PC: variants seen among roughly 807,000 people sequenced by gnomAD.
PC encodes pyruvate carboxylase.
A neutral mutation model predicts 107.8 loss-of-function variants in PC; 46 were observed. The ratio of observed to expected loss-of-function variants is 0.43; its 90% CI spans 0.34 to 0.55. The LOEUF is 0.55. Among genes scored for constraint, PC ranks in the 20% least tolerant of loss-of-function variants. PC has a pLI of 0.04. For synonymous variants in PC, 662 were observed against 684.7 expected (o/e 0.97, Z 0.52); for missense variants, 1,241 against 1,643.1 (o/e 0.76, Z 4.23).
chr11:66,860,146 G>A, intron 12 of PC: 1 of 1,549,384 alleles, frequency 6.5e-7, no homozygotes. Flanking sequence ...GGGGCAGGGT[G>A]CCGGGGGGTA....
intron 3 of PC, among the ~76,000 whole-genome samples, chr11:66,910,775 C>T (rs1433199031): frequency 2.6e-5 from 4 of 152,196 alleles, no homozygotes; most frequent in Non-Finnish European, 2.9e-5. Context: ...AGAGCAAAGG[C>T]TCTGGATTGA....
intron 3 of PC, among the ~76,000 whole-genome samples, chr11:66,899,587 G>A (rs536993417): frequency 6.6e-6 from 1 of 151,630 alleles, no homozygotes; most frequent in African/African-American, 2.4e-5. Flanking sequence ...GGCTGGTCTT[G>A]AACTCCCAAC....
intron 12 of PC, among the ~76,000 whole-genome samples, chr11:66,854,441 G>C (rs978293897): frequency 1.3e-5 from 2 of 152,168 alleles, no homozygotes; most frequent in Non-Finnish European, 2.9e-5. Context: ...TGGGGGCAGG[G>C]TGCTGCCTGA....
At chr11:66,873,690 C>T (rs1946872503) in intron 3 of PC, among the ~76,000 whole-genome samples, 2 of 149,184 alleles carry the variant, frequency 1.3e-5, no homozygotes, top group Non-Finnish European at 3.0e-5. Flanking sequence ...ACTAAAAAGA[C>T]AGCTGCCCAG....
At chr11:66,859,656 C>T (rs1227058898) in intron 12 of PC, 2 of 1,613,068 alleles carry the variant, frequency 1.2e-6, no homozygotes, top group Non-Finnish European at 1.7e-6. Flanking sequence ...AGCCTCCAGC[C>T]ACCACTTCCT....
chr11:66,938,362 T>C (rs569095762), intron 3 of PC, among the ~76,000 whole-genome samples: 2 of 152,312 alleles, frequency 1.3e-5, no homozygotes, highest in East Asian at 3.9e-4. Flanking sequence ...ACAGCATTTA[T>C]GAAGTCCTCA....
chr11:66,941,713 C>T (rs911041528), intron 3 of PC, among the ~76,000 whole-genome samples: 2 of 152,062 alleles, frequency 1.3e-5, no homozygotes, highest in African/African-American at 2.4e-5. Flanking sequence ...AGGATGGTAT[C>T]GATCTCCTGA....
At chr11:66,887,323 A>G (rs1947407370) in intron 3 of PC, among the ~76,000 whole-genome samples, 1 of 152,210 alleles carries the variant, frequency 6.6e-6, no homozygotes, top group South Asian at 2.1e-4. Context: ...AATTCACCAA[A>G]ACAAATTGGG....
chr11:66,935,389 TAC>T (rs2136120017), intron 3 of PC, among the ~76,000 whole-genome samples: 1 of 152,258 alleles, frequency 6.6e-6, no homozygotes, highest in African/African-American at 2.4e-5. Context: ...AAGAAAACCT[TAC>T]AGTCTTACTG....
At chr11:66,859,136 T>C (rs1454906106) in intron 12 of PC, 1 of 1,471,096 alleles carries the variant, frequency 6.8e-7, no homozygotes, top group East Asian at 2.5e-5. Flanking sequence ...CCCGGCGCCC[T>C]TCCTCCGCCC....
chr11:66,933,486 A>G (rs1948914799), intron 3 of PC, among the ~76,000 whole-genome samples: 1 of 151,910 alleles, frequency 6.6e-6, no homozygotes, highest in South Asian at 2.1e-4. Context: ...CCAATTCCCT[A>G]TTTCTTTTCT....
At chr11:66,865,542 A>C (rs1161528497) in intron 11 of PC, among the ~76,000 whole-genome samples, 1 of 152,120 alleles carries the variant, frequency 6.6e-6, no homozygotes, top group Non-Finnish European at 1.5e-5. Context: ...CGGTGCTGAG[A>C]GGAAGAAAGG....
chr11:66,857,440 A>G lies in PC; in HGVS notation c.1369-4057T>C. On this transcript the variant is annotated intron_variant, in intron 12 of 22. Coordinates refer to ENST00000393960, the MANE Select transcript of PC (RefSeq NM_001040716.2). The surrounding 1 kb of genome is among the most constrained non-coding windows in gnomAD (Gnocchi z 7.1). ...CTGGCGATTCCTGGGGACGCCTGGG[A>G]AAGGAAGTTCCGGGACCCTCCCTGC... is the stretch of plus-strand genomic sequence containing the variant. 2.9e-6 allele frequency: 1 copy of G among 340,124 alleles called. No homozygotes were observed. Among genetic ancestry groups the G allele is most frequent in the Non-Finnish European group, 5.3e-6 (1 of 188,482 alleles). The allele number at this position is 340,124 out of a possible 1,614,324, so 21.1% of individuals were successfully genotyped here. A position where few individuals can be genotyped will look rare whatever the true frequency, so the allele number is the denominator to read the frequency against.
chr11:66,853,173 G>A (rs1945608196), intron 13 of PC, 66 bp downstream of exon 13: 6 of 1,578,104 alleles, frequency 3.8e-6, no homozygotes, highest in East Asian at 4.5e-5. Context: ...GTGGCAAGGA[G>A]GTAGGAGCAA....
chr11:66,870,531 C>A lies in PC; in HGVS notation c.752-78G>T. ...TAAATGCCCCATCACCCCCACATAA[C>A]CACTGTCGCCAGTCAGTGCCGGCTG... is the stretch of plus-strand genomic sequence containing the variant. On this transcript the variant is annotated intron_variant, in intron 8 of 22. Transcript: ENST00000393960. This position sits in a 1 kb window ranked among gnomAD's most constrained non-coding sequence, Gnocchi z 6.1. The A allele has an allele frequency of 2.6e-6, 4 of 1,514,814 alleles. No homozygotes were observed. Among genetic ancestry groups the A allele is most frequent in the Non-Finnish European group, 3.6e-6 (4 of 1,105,768 alleles). 93.8% of individuals were successfully genotyped at this position (1,514,814 alleles called of 1,614,324 possible). A position where few individuals can be genotyped will look rare whatever the true frequency, so the allele number is the denominator to read the frequency against.
intron 3 of PC, among the ~76,000 whole-genome samples, chr11:66,895,795 G>A (rs978003650): frequency 2.0e-5 from 3 of 152,016 alleles, no homozygotes; most frequent in Non-Finnish European, 4.4e-5. Flanking sequence ...AAAAAACAGA[G>A]GGCAAGAAAA....
At chr11:66,874,111 C>G (rs1946886180) in intron 3 of PC, among the ~76,000 whole-genome samples, 1 of 152,182 alleles carries the variant, frequency 6.6e-6, no homozygotes, top group Non-Finnish European at 1.5e-5. Flanking sequence ...AGGCACCCGC[C>G]ACCACGCCCA....
At chr11:66,862,452 A>G (rs1022689812) in intron 12 of PC, among the ~76,000 whole-genome samples, 1 of 152,200 alleles carries the variant, frequency 6.6e-6, no homozygotes, top group Non-Finnish European at 1.5e-5. Flanking sequence ...CCATCCCCCA[A>G]GCAACTGCGC....
chr11:66,882,075 A>G (rs918535864), intron 3 of PC, among the ~76,000 whole-genome samples: 3 of 152,206 alleles, frequency 2.0e-5, no homozygotes, highest in Non-Finnish European at 4.4e-5. Context: ...CAGCAGTCAC[A>G]TGTCCCAGAT....
Sources: gnomAD v4.1 joint callset for allele counts (sites outside exome capture counted in the v4.1 genomes callset) on GRCh38, gnomAD v4.1.1 for gene constraint, Gnocchi (gnomAD v3.1) non-coding constraint, MANE v1.5 for transcripts, NCBI Gene and HGNC (gene_info 2026-07-23, HGNC 2026-07-21) for gene names.